Variants in DSCAM observed in about 807,000 individuals in gnomAD.
DSCAM encodes the protein cell adhesion molecule DSCAM.
Under a neutral mutation model 217.7 loss-of-function variants are expected in DSCAM, and 47 were observed. The observed-to-expected ratio is 0.22, with a 90% CI of 0.17 to 0.28. DSCAM has a LOEUF of 0.28. DSCAM is among the 10% of genes least tolerant of loss of function. The pLI is 1.00. For synonymous variants in DSCAM, 1,056 were observed against 1,015.3 expected (o/e 1.04, Z -0.76); for missense variants, 2,080 against 2,618.3 (o/e 0.79, Z 4.49).
At chr21:40,540,589 G>T (rs1251965954) in intron 3 of DSCAM, among the ~76,000 whole-genome samples, 2 of 152,106 alleles carry the variant, frequency 1.3e-5, no homozygotes, top group Non-Finnish European at 2.9e-5. Flanking sequence ...AACTTCCTAG[G>T]ATATAAGAGC....
intron 4 of DSCAM, among the ~76,000 whole-genome samples, chr21:40,368,450 A>G (rs970452283): frequency 6.6e-6 from 1 of 152,234 alleles, no homozygotes; most frequent in Non-Finnish European, 1.5e-5. Flanking sequence ...TTTAATTCTG[A>G]CTTGTATTTG....
intron 16 of DSCAM, among the ~76,000 whole-genome samples, chr21:40,164,756 C>A (rs1013018661): frequency 6.6e-6 from 1 of 152,006 alleles, no homozygotes; most frequent in Non-Finnish European, 1.5e-5. Context: ...GAGCAAAGAT[C>A]GTGTCATTGC....
chr21:40,210,453 C>T lies in DSCAM; in HGVS notation c.2357-21215G>A, dbSNP rs531983255. On this transcript the variant is annotated intron_variant, in intron 11 of 32. Transcript: ENST00000400454. ...TAGCTTCTGGCCATGTTGTGAATTT[C>T]CATAGCTGTGGTGCAATATCAGAGC... Among the ~76,000 whole-genome samples, 478 of 152,334 alleles carry T rather than the reference C, an allele frequency of 3.1e-3. 1 individual carries two copies. Among genetic ancestry groups the T allele is most frequent in the Non-Finnish European group, 5.3e-3 (358 of 68,034 alleles).
chr21:40,841,773 G>A (rs761883923), intron 1 of DSCAM, among the ~76,000 whole-genome samples: 8 of 152,216 alleles, frequency 5.3e-5, no homozygotes, highest in Non-Finnish European at 8.8e-5. Context: ...GTTCCCTCGC[G>A]GCTTTGGAAA....
At chr21:40,693,186 C>T (rs1457837165) in intron 2 of DSCAM, among the ~76,000 whole-genome samples, 5 of 152,140 alleles carry the variant, frequency 3.3e-5, no homozygotes, top group African/African-American at 1.2e-4. Flanking sequence ...TGTAATCCCA[C>T]CACTTTGGGA....
At chr21:40,764,337 A>C (rs1252751530) in intron 1 of DSCAM, among the ~76,000 whole-genome samples, 1 of 151,854 alleles carries the variant, frequency 6.6e-6, no homozygotes, top group Non-Finnish European at 1.5e-5. Context: ...AAAAAAAAAA[A>C]AAAATGAAAA....
intron 2 of DSCAM, among the ~76,000 whole-genome samples, chr21:40,700,558 C>T (rs2090644666): frequency 6.6e-6 from 1 of 151,964 alleles, no homozygotes; most frequent in African/African-American, 2.4e-5. Context: ...TTGTTGGATT[C>T]AATTTGTTAA....
At chr21:40,568,455 T>G (rs575683261) in intron 3 of DSCAM, among the ~76,000 whole-genome samples, 1 of 152,250 alleles carries the variant, frequency 6.6e-6, no homozygotes, top group African/African-American at 2.4e-5. Context: ...TTTTTGTCCT[T>G]CCCACAGACC....
chr21:40,518,049 G>T (rs1350143496), intron 3 of DSCAM, among the ~76,000 whole-genome samples: 2 of 151,766 alleles, frequency 1.3e-5, no homozygotes, highest in Non-Finnish European at 2.9e-5. Context: ...CAGAGGGTGG[G>T]CACACCTTGG....
At chr21:40,819,624 T>C (rs2091910249) in intron 1 of DSCAM, among the ~76,000 whole-genome samples, 1 of 152,242 alleles carries the variant, frequency 6.6e-6, no homozygotes. Flanking sequence ...GCTGTTGTGA[T>C]AAATCACGCA....
At position 40,151,529 on chromosome 21, in the gene DSCAM, C is replaced by G. The variant is rs530863647; in HGVS notation, c.3019-6798G>C. On this transcript the variant is annotated intron_variant, in intron 16 of 32. Coordinates refer to ENST00000400454, the MANE Select transcript of DSCAM (RefSeq NM_001389.5). ...GGGGCTTCAACACTGTGGATGTTCT[C>G]AGAAGATATTCTTGCAGATGGAGAA... 3.0e-4 allele frequency among the ~76,000 whole-genome samples: 45 copies of G among 152,298 alleles called. 2 individuals carry two copies. The South Asian group carries it at 8.7e-3, about 29-fold the overall frequency.
In DSCAM at chr21:40,790,222, C is replaced by T. The variant is rs538220562; in HGVS notation, c.43+56397G>A. On this transcript the variant is annotated intron_variant, in intron 1 of 32. Transcript: ENST00000400454. ...TTTTAGATGGAGTCTCGCTCTGTCTCCCAGGCTGGAGTGCAGTGGCGCAAT... is the reference window on the plus strand; with the variant it reads ...TTTTAGATGGAGTCTCGCTCTGTCTTCCAGGCTGGAGTGCAGTGGCGCAAT... Among the ~76,000 whole-genome samples, 801 of 147,178 alleles carry T rather than the reference C, an allele frequency of 5.4e-3. 3 individuals carry two copies. Among genetic ancestry groups the T allele is most frequent in the Non-Finnish European group, 7.6e-3 (510 of 67,128 alleles).
At chr21:40,379,637 G>C (rs2075000517) in intron 3 of DSCAM, among the ~76,000 whole-genome samples, 1 of 152,070 alleles carries the variant, frequency 6.6e-6, no homozygotes, top group African/African-American at 2.4e-5. Context: ...AGTTGATTTG[G>C]GTGTCAGAGC....
chr21:40,304,996 G>C (rs1044678975), intron 9 of DSCAM, among the ~76,000 whole-genome samples: 1 of 152,102 alleles, frequency 6.6e-6, no homozygotes. Context: ...ACACGAAGTG[G>C]GCACACACTG....
At chr21:40,228,941 T>C (rs767818318) in intron 11 of DSCAM, among the ~76,000 whole-genome samples, 1 of 152,186 alleles carries the variant, frequency 6.6e-6, no homozygotes, top group Non-Finnish European at 1.5e-5. Context: ...TATGTATCCA[T>C]TGTATCTCTA....
chr21:40,062,159 GAAAGTA>G (rs1302380369), intron 28 of DSCAM, among the ~76,000 whole-genome samples: 2 of 152,214 alleles, frequency 1.3e-5, no homozygotes, highest in African/African-American at 4.8e-5. Context: ...TTGGGGACGT[GAAAGTA>G]ACACACTTGT....
chr21:40,518,447 T>TAATATATATTATATAAATTA lies in DSCAM; in HGVS notation c.509-149203_509-149202insTAATTTATATAATATATATT, dbSNP rs1568871326. ...ATATATATTATATAAATTATATATA[T>TAATATATATTATATAAATTA]TATATATTATATATAATATATATAA... On this transcript the variant is annotated intron_variant, in intron 3 of 32. Coordinates refer to ENST00000400454, the MANE Select transcript of DSCAM (RefSeq NM_001389.5). 1.8e-3 allele frequency among the ~76,000 whole-genome samples: 12 copies of TAATATATATTATATAAATTA among 6,552 alleles called. 1 individual carries two copies. Among genetic ancestry groups the TAATATATATTATATAAATTA allele is most frequent in the African/African-American group, 3.2e-3 (3 of 934 alleles). The allele number at this position is 6,552 out of a possible 152,430, so 4.3% of individuals were successfully genotyped here.
chr21:40,337,969 G>T, intron 8 of DSCAM, 132 bp downstream of exon 8: 1 of 1,135,916 alleles, frequency 8.8e-7, no homozygotes, highest in South Asian at 1.5e-5. Context: ...CATGTTCCCT[G>T]TCATTCTTCA....
rs62223026 is a variant in DSCAM, at chr21:40,711,021, C to G, written c.44-2250G>C. On this transcript the variant is annotated intron_variant, in intron 1 of 32. Coordinates refer to ENST00000400454, the MANE Select transcript of DSCAM (RefSeq NM_001389.5). ...GGAGATTCACAGGGCTGTCACTTGACCAAGGACACAGGATACAGGCTGTCA... is the reference window on the plus strand; with the variant it reads ...GGAGATTCACAGGGCTGTCACTTGAGCAAGGACACAGGATACAGGCTGTCA... Among the ~76,000 whole-genome samples the G allele has an allele frequency of 1.7e-5, 2 of 117,732 alleles. 1 individual carries two copies. The highest frequency in any genetic ancestry group is 8.5e-3 in the Middle Eastern group (2 of 234). The allele number at this position is 117,732 out of a possible 152,430, so 77.2% of individuals were successfully genotyped here. A position where few individuals can be genotyped will look rare whatever the true frequency, so the allele number is the denominator to read the frequency against.
Sources: gnomAD v4.1 joint callset for allele counts (sites outside exome capture counted in the v4.1 genomes callset) on GRCh38, gnomAD v4.1.1 for gene constraint, MANE v1.5 for transcripts, NCBI Gene and HGNC (gene_info 2026-07-23, HGNC 2026-07-21) for gene names.